Variants in RBM48 observed in about 807,000 individuals in gnomAD.
RBM48 encodes the protein RNA binding motif protein 48.
In RBM48, 32 loss-of-function variants were observed where a neutral mutation model predicts 34.8. The observed-to-expected ratio is 0.92, with a 90% CI of 0.69 to 1.23. RBM48 has a LOEUF of 1.23. RBM48 is among the 50% of genes most tolerant of loss of function. The pLI is 0.00. For missense variants in RBM48, 441 were observed against 447.2 expected, an observed-to-expected ratio of 0.99 and a Z score of 0.12; for synonymous variants, 151 against 156.2, an observed-to-expected ratio of 0.97 and a Z score of 0.25.
chr7:92,532,522 T>A lies in RBM48; in HGVS notation c.421T>A (p.Tyr141Asn). Residue 141 changes from tyrosine (Y) to asparagine (N), a missense_variant, in exon 3 of 5, where the codon TAT (tyrosine) becomes AAT (asparagine). By Grantham distance (143) the Tyr-to-Asn change is moderately radical. Coordinates refer to ENST00000265732, the MANE Select transcript of RBM48 (RefSeq NM_032120.4). ...TRKKLQMRKAYVVKTTENKDH... is the reference protein window; with the variant it reads ...TRKKLQMRKANVVKTTENKDH... ...AAAAAAACTACAAATGCGGAAGGCA[T>A]ATGTAGTAAAAACTACTGAAAATAA... is the stretch of plus-strand genomic sequence containing the variant. The A allele has an allele frequency of 2.5e-6, 4 of 1,612,818 alleles. No individual in the cohort carries two copies. The highest frequency in any genetic ancestry group is 3.4e-6 in the Non-Finnish European group (4 of 1,179,322).
At position 92,534,475 on chromosome 7, in the gene RBM48, A is replaced by G; in HGVS notation, c.522A>G (p.Ser174=). The G allele has an allele frequency of 6.2e-7, 1 of 1,613,952 alleles. No homozygotes were observed. The highest frequency in any genetic ancestry group is 8.5e-7 in the Non-Finnish European group (1 of 1,179,804). Residue 174 remains serine (S), a synonymous_variant, in exon 4 of 5, where the codon TCA becomes TCG. Transcript: ENST00000265732. The stretch of plus-strand genomic sequence containing the variant: ...AGGATTTTAGACAAGACTTCCACTC[A>G]GAGATGTCTGGATTTTGTAAAGCTG... ...DTEDFRQDFH[S]EMSGFCKAAL...
chr7:92,536,182 A>T, intron 4 of RBM48: 1 of 985,374 alleles, frequency 1.0e-6, no homozygotes, highest in Non-Finnish European at 1.2e-6. Context: ...TCCTTCAGTT[A>T]CAGCTGAACT....
chr7:92,531,084 G>GA (rs951092904), intron 2 of RBM48, among the ~76,000 whole-genome samples: 1 of 151,018 alleles, frequency 6.6e-6, no homozygotes, highest in Admixed American at 6.6e-5. Context: ...TGTCTCAAAA[G>GA]AAAAAAAAAG....
intron 1 of RBM48, chr7:92,529,149 T>C: frequency 1.7e-6 from 1 of 594,032 alleles, no homozygotes; most frequent in East Asian, 2.8e-5. Context: ...TTTTAGTCAT[T>C]GGATCTTCTG....
At chr7:92,535,620 T>A in intron 4 of RBM48, 1 of 985,334 alleles carries the variant, frequency 1.0e-6, no homozygotes. Flanking sequence ...TAGGGACTAC[T>A]GTTACAAATC....
At chr7:92,530,372 G>A (rs1482927397) in intron 2 of RBM48, among the ~76,000 whole-genome samples, 1 of 151,546 alleles carries the variant, frequency 6.6e-6, no homozygotes, top group East Asian at 1.9e-4. Flanking sequence ...GTGCGGACCT[G>A]TAGTCCCAGC....
chr7:92,537,712 A>G lies in RBM48; in HGVS notation c.*775A>G, dbSNP rs1347562111. On this transcript the variant is annotated 3_prime_UTR_variant, in exon 5 of 5. Transcript: ENST00000265732. ...TTGCTTGACCTGTGGCAATCCAAAAATACATCAGTATTTATAAATTCTAGA... is the reference window on the plus strand; with the variant it reads ...TTGCTTGACCTGTGGCAATCCAAAAGTACATCAGTATTTATAAATTCTAGA... The G allele has an allele frequency of 3.3e-5, 5 of 152,252 alleles. No individual in the cohort carries two copies. The highest frequency in any genetic ancestry group is 9.6e-5 in the African/African-American group (4 of 41,476). The allele number at this position is 152,252 out of a possible 1,614,324, so 9.4% of individuals were successfully genotyped here. A position where few individuals can be genotyped will look rare whatever the true frequency, so the allele number is the denominator to read the frequency against.
At chr7:92,532,675 C>A in intron 3 of RBM48, 126 bp downstream of exon 3, 1 of 666,154 alleles carries the variant, frequency 1.5e-6, no homozygotes. Context: ...TAACTGTGAA[C>A]CACAGGGTTC....
At chr7:92,534,323 A>C (rs1793647882) in intron 3 of RBM48, 79 bp from the exon 4 acceptor site, 1 of 1,476,948 alleles carries the variant, frequency 6.8e-7, no homozygotes, top group African/African-American at 1.4e-5. Context: ...GATTTTTTTA[A>C]ATTATATGAT....
At position 92,529,232 on chromosome 7, in the gene RBM48, A is replaced by G. The variant is rs1793471684; in HGVS notation, c.112-244A>G. The G allele has an allele frequency of 8.7e-6, 5 of 573,582 alleles. 1 individual carries two copies. The highest frequency in any genetic ancestry group is 9.2e-6 in the Non-Finnish European group (3 of 326,072). The allele number at this position is 573,582 out of a possible 1,614,324, so 35.5% of individuals were successfully genotyped here. A position where few individuals can be genotyped will look rare whatever the true frequency, so the allele number is the denominator to read the frequency against. ...TGAGTGATTGTTCCCAGTGACTTCT[A>G]CCGACTCAATTTCTGGAAAAAAATG... On this transcript the variant is annotated intron_variant, in intron 1 of 4. Coordinates refer to ENST00000265732, the MANE Select transcript of RBM48 (RefSeq NM_032120.4).
At position 92,539,507 on chromosome 7, in the gene RBM48, G is replaced by A. The variant is rs1793808705; in HGVS notation, c.*2570G>A. On this transcript the variant is annotated 3_prime_UTR_variant, in exon 5 of 5. Coordinates refer to ENST00000265732, the MANE Select transcript of RBM48 (RefSeq NM_032120.4). ...ACCTGAGGTCAGGAGTTCAAGGCCA[G>A]CCTGGCCAACATGATGAAACTCCAT... Among the ~76,000 whole-genome samples, 1 of 152,200 alleles carries A rather than the reference G, an allele frequency of 6.6e-6. No homozygotes were observed. The highest frequency in any genetic ancestry group is 1.5e-5 in the Non-Finnish European group (1 of 68,042).
chr7:92,536,475 G>T, intron 4 of RBM48: 1 of 987,920 alleles, frequency 1.0e-6, no homozygotes, highest in Non-Finnish European at 1.2e-6. Flanking sequence ...TTCTCCAAAG[G>T]TTTTCATCCC....
At chr7:92,533,718 C>T (rs1005938417) in intron 3 of RBM48, among the ~76,000 whole-genome samples, 20 of 152,132 alleles carry the variant, frequency 1.3e-4, no homozygotes, top group Admixed American at 1.3e-3. Context: ...AACACACAGG[C>T]AGAGAGACTA....
Position 92,534,696 on chromosome 7 carries a change from A to T in RBM48, c.743A>T (p.Gln248Leu), listed in dbSNP as rs1332403211. 11 of 1,614,132 alleles carry T rather than the reference A, an allele frequency of 6.8e-6. No homozygotes were observed. The highest frequency in any genetic ancestry group is 9.3e-6 in the Non-Finnish European group (11 of 1,180,054). The change falls in exon 4 of 5, where the codon CAG (glutamine) becomes CTG (leucine). Residue 248 changes from glutamine to leucine, a missense_variant. Gln to Leu is a moderately radical substitution (Grantham distance 113). Coordinates refer to ENST00000265732, the MANE Select transcript of RBM48 (RefSeq NM_032120.4). ...YNHNDSLRKT[Q>L]INSLKNSVAC... ...CACAATGACTCTTTGCGGAAAACAC[A>T]GATAAACTCTTTGAAAAACTCAGTG...
rs371113663 is a variant in RBM48 at position 92,536,939 on chromosome 7, G to C, written c.*2G>C. On this transcript the variant is annotated 3_prime_UTR_variant, in exon 5 of 5. Coordinates refer to ENST00000265732, the MANE Select transcript of RBM48 (RefSeq NM_032120.4). ...TTAAAACAAAGAAGAAGAATATAGA[G>C]TGCCAGCAGCAACTTAGTATTTTCT... is the stretch of plus-strand genomic sequence containing the variant. 4.4e-4 allele frequency: 689 copies of C among 1,575,240 alleles called. 8 individuals carry two copies. In the South Asian group the frequency reaches 7.7e-3, roughly 18 times the overall value.
Position 92,528,937 on chromosome 7 carries a change from T to G in RBM48, c.111+13T>G, listed in dbSNP as rs1793454828. 1.9e-6 allele frequency: 3 copies of G among 1,601,506 alleles called. No homozygotes were observed. The South Asian group carries it at 3.3e-5, about 18-fold the overall frequency. ...TCGTGCTGTGAAGGTAAAGTGATTTTGGTTTCATTCGCTCTCCTCGGTAGC... is the reference window on the plus strand; with the variant it reads ...TCGTGCTGTGAAGGTAAAGTGATTTGGGTTTCATTCGCTCTCCTCGGTAGC... On this transcript the variant is annotated intron_variant, in intron 1 of 4. Transcript: ENST00000265732.
Position 92,534,727 on chromosome 7 carries a change from C to T in RBM48, c.774C>T (p.Cys258=), listed in dbSNP as rs1410314507. Residue 258 remains cysteine, a synonymous_variant, in exon 4 of 5, where the codon TGC becomes TGT. Coordinates refer to ENST00000265732, the MANE Select transcript of RBM48 (RefSeq NM_032120.4). ...QINSLKNSVA[C]PGAQKAITSS... ...ACTCTTTGAAAAACTCAGTGGCCTG[C>T]CCTGGTGCACAAAAGGCTATTACGT... 1.2e-6 allele frequency: 2 copies of T among 1,614,032 alleles called. No homozygotes were observed. The highest frequency in any genetic ancestry group is 2.7e-5 in the African/African-American group (2 of 74,906).
intron 1 of RBM48, 89 bp downstream of exon 1, chr7:92,529,013 A>C (rs1793459192): frequency 1.1e-6 from 1 of 949,374 alleles, no homozygotes; most frequent in Admixed American, 2.0e-5. Context: ...TAAAGGCACG[A>C]CAAGGCTTCC....
intron 3 of RBM48, among the ~76,000 whole-genome samples, chr7:92,532,816 T>C (rs1793609551): frequency 6.6e-6 from 1 of 152,172 alleles, no homozygotes; most frequent in Admixed American, 6.5e-5. Flanking sequence ...GAGGAAAAGA[T>C]GGAAAGGCAA....
Sources: gnomAD v4.1 joint callset for allele counts (sites outside exome capture counted in the v4.1 genomes callset) on GRCh38, gnomAD v4.1.1 for gene constraint, MANE v1.5 for transcripts, NCBI Gene and HGNC (gene_info 2026-07-23, HGNC 2026-07-21) for gene names.